The following ZFAT variants were observed in gnomAD, a reference collection of about 807,000 sequenced individuals.
ZFAT encodes zinc finger protein ZFAT.
A neutral mutation model predicts 117.7 loss-of-function variants in ZFAT; 64 were observed. That is an observed-to-expected ratio of 0.54 (90% confidence interval 0.44 to 0.67). ZFAT has a LOEUF of 0.67. ZFAT is among the 30% of genes least tolerant of loss of function. The pLI, the probability that ZFAT is intolerant of heterozygous loss-of-function variation, is 0.00. For missense variants in ZFAT, 1,433 were observed against 1,584.5 expected, an observed-to-expected ratio of 0.90 and a Z score of 1.62; for synonymous variants, 679 against 615.0, an observed-to-expected ratio of 1.10 and a Z score of -1.54.
intron 1 of ZFAT, among the ~76,000 whole-genome samples, chr8:134,712,614 C>T (rs1381340347): frequency 3.8e-5 from 5 of 131,132 alleles, no homozygotes; most frequent in Non-Finnish European, 8.0e-5. Context: ...CCCACTCGCT[C>T]CCGCCTTGCT....
chr8:134,661,627 G>A (rs199602353), intron 1 of ZFAT, among the ~76,000 whole-genome samples: 1 of 152,212 alleles, frequency 6.6e-6, no homozygotes, highest in Non-Finnish European at 1.5e-5. Flanking sequence ...GGCCCAAGAC[G>A]GGTGGGACTG....
chr8:134,704,295 C>T lies in ZFAT; in HGVS notation c.19+8550G>A, dbSNP rs74572051. The stretch of plus-strand genomic sequence containing the variant: ...ATTCAAAAGATGCTTCTCTCTACCA[C>T]CACAGGAGGAAATTGAAGATTACAG... On this transcript the variant is annotated intron_variant, in intron 1 of 15. Coordinates refer to ENST00000377838, the MANE Select transcript of ZFAT (RefSeq NM_020863.4). Among the ~76,000 whole-genome samples, 692 of 152,284 alleles carry T rather than the reference C, an allele frequency of 4.5e-3. 6 individuals carry two copies. Among genetic ancestry groups the T allele is most frequent in the African/African-American group, 0.016 (661 of 41,554 alleles).
rs1026443108 is a variant in ZFAT, at chr8:134,478,427, G to T, written c.*55C>A. 1.3e-6 allele frequency: 2 copies of T among 1,528,206 alleles called. No individual in the cohort carries two copies. Among genetic ancestry groups the T allele is most frequent in the Non-Finnish European group, 1.8e-6 (2 of 1,134,322 alleles). 94.7% of individuals were successfully genotyped at this position (1,528,206 alleles called of 1,614,324 possible). On this transcript the variant is annotated 3_prime_UTR_variant, in exon 16 of 16. Coordinates refer to ENST00000377838, the MANE Select transcript of ZFAT (RefSeq NM_020863.4). This position sits in a 1 kb window ranked among gnomAD's most constrained non-coding sequence, Gnocchi z 5.2. ...CAGGAAGGGTGGCCTCCCCACCCTG[G>T]GTGCCTGCAGAGCCTGGCAGCCCCG... is the stretch of plus-strand genomic sequence containing the variant.
the ZFAT span, among the ~76,000 whole-genome samples, chr8:134,801,723 T>C: frequency 2.0e-5 from 3 of 152,192 alleles, no homozygotes; most frequent in Non-Finnish European, 4.4e-5. Context: ...ACTTTTTCTC[T>C]GGGAGAAAAA....
chr8:134,771,215 C>T, the ZFAT span, among the ~76,000 whole-genome samples: 495 of 152,296 alleles, frequency 3.3e-3, 3 homozygotes, highest in South Asian at 0.012. Context: ...ATGTCTCCCC[C>T]GGATGCCCAG....
At chr8:134,626,802 T>C (rs966659) in intron 3 of ZFAT, among the ~76,000 whole-genome samples, 115,145 of 152,268 alleles carry the variant, frequency 0.76, 43,843 homozygotes, top group East Asian at 0.91. Context: ...ACTCTGATAA[T>C]GTAGCTTACT....
chr8:134,571,441 C>T (rs551186616), intron 10 of ZFAT, among the ~76,000 whole-genome samples: 13 of 152,324 alleles, frequency 8.5e-5, no homozygotes, highest in African/African-American at 2.4e-4. Context: ...TGCCCCGTGG[C>T]GACTTCTGTG....
chr8:134,498,337 G>A (rs1293239812), intron 15 of ZFAT, among the ~76,000 whole-genome samples: 5 of 147,632 alleles, frequency 3.4e-5, no homozygotes, highest in African/African-American at 1.0e-4. Context: ...GAGCTGGGAT[G>A]CCCCCGTTGC....
chr8:134,620,121 G>A (rs758600299), intron 3 of ZFAT, among the ~76,000 whole-genome samples: 2 of 152,190 alleles, frequency 1.3e-5, no homozygotes, highest in African/African-American at 4.8e-5. Flanking sequence ...TCAATAAAAG[G>A]CATTTTTGCT....
intron 9 of ZFAT, 96 bp from the exon 10 acceptor site, chr8:134,584,101 C>T (rs904966350): frequency 2.4e-6 from 3 of 1,265,836 alleles, no homozygotes; most frequent in Non-Finnish European, 2.2e-6. Flanking sequence ...TCTAAATACA[C>T]TTATAGATAT....
At chr8:134,665,769 T>C (rs1038806550) in intron 1 of ZFAT, among the ~76,000 whole-genome samples, 1 of 151,964 alleles carries the variant, frequency 6.6e-6, no homozygotes, top group Non-Finnish European at 1.5e-5. Context: ...AGAAGGGGGA[T>C]GAATATCACC....
At chr8:134,583,782 T>C (rs374186569) in intron 10 of ZFAT, 50 bp downstream of exon 10, 1 of 1,595,784 alleles carries the variant, frequency 6.3e-7, no homozygotes, top group African/African-American at 1.3e-5. Flanking sequence ...GAACATCAGC[T>C]TCAAACCACA....
At chr8:134,764,644 A>G in the ZFAT span, among the ~76,000 whole-genome samples, 1 of 152,244 alleles carries the variant, frequency 6.6e-6, no homozygotes, top group Non-Finnish European at 1.5e-5. Context: ...CCACCATTCA[A>G]ATCCATCTGA....
intron 1 of ZFAT, among the ~76,000 whole-genome samples, chr8:134,707,028 G>T (rs1834170382): frequency 2.0e-5 from 3 of 151,910 alleles, no homozygotes; most frequent in Admixed American, 2.0e-4. Context: ...CTACTCAAAG[G>T]CCCTTCATCA....
At chr8:134,593,842 A>G (rs923270483) in intron 7 of ZFAT, among the ~76,000 whole-genome samples, 4 of 152,178 alleles carry the variant, frequency 2.6e-5, no homozygotes, top group African/African-American at 4.8e-5. Flanking sequence ...GGCCCCTGTT[A>G]TGTGTCAGGC....
At chr8:134,488,001 C>T (rs1020220744) in intron 15 of ZFAT, among the ~76,000 whole-genome samples, 1 of 152,146 alleles carries the variant, frequency 6.6e-6, no homozygotes, top group African/African-American at 2.4e-5. Flanking sequence ...GGAAGACGCC[C>T]CACCAGGACT....
At chr8:134,549,268 C>T (rs936755192) in intron 11 of ZFAT, among the ~76,000 whole-genome samples, 2 of 152,064 alleles carry the variant, frequency 1.3e-5, no homozygotes, top group African/African-American at 2.4e-5. Context: ...GGTGAAACCC[C>T]GTTTCTACTA....
At chr8:134,719,011 G>A in the ZFAT span, among the ~76,000 whole-genome samples, 3 of 152,130 alleles carry the variant, frequency 2.0e-5, no homozygotes, top group Non-Finnish European at 4.4e-5. Context: ...GGACAGCATC[G>A]GGAGCACACT....
chr8:134,498,246 C>G (rs1818655498), intron 15 of ZFAT, among the ~76,000 whole-genome samples: 1 of 135,542 alleles, frequency 7.4e-6, no homozygotes, highest in Admixed American at 7.4e-5. Context: ...CACACAGAGC[C>G]TGATTTGGTA....
Sources: gnomAD v4.1 joint callset for allele counts (sites outside exome capture counted in the v4.1 genomes callset) on GRCh38, gnomAD v4.1.1 for gene constraint, Gnocchi (gnomAD v3.1) non-coding constraint, MANE v1.5 for transcripts, NCBI Gene and HGNC (gene_info 2026-07-23, HGNC 2026-07-21) for gene names.